MRPL1: variants seen among roughly 807,000 people sequenced by gnomAD.
MRPL1 encodes the protein mitochondrial ribosomal protein L1.
A neutral mutation model predicts 38.0 loss-of-function variants in MRPL1; 28 were observed. The observed-to-expected ratio is 0.74, with a 90% CI of 0.55 to 1.01. The LOEUF (loss-of-function observed/expected upper bound fraction) is 1.01. Ranked by LOEUF, MRPL1 falls within the 50% of genes least tolerant of loss-of-function variation. The probability of loss-of-function intolerance (pLI) is 0.00; values close to 1 mark genes in which losing one functional copy is unlikely to be tolerated. For missense variants in MRPL1, 358 were observed against 389.8 expected (o/e 0.92, Z 0.69); for synonymous variants, 123 against 126.7 (o/e 0.97, Z 0.20).
chr4:77,868,079 T>G (rs2110227343), intron 1 of MRPL1, among the ~76,000 whole-genome samples: 1 of 151,426 alleles, frequency 6.6e-6, no homozygotes, highest in African/African-American at 2.4e-5. Flanking sequence ...TTTTTTCCTT[T>G]TGAGATGGAG....
intron 6 of MRPL1, among the ~76,000 whole-genome samples, chr4:77,908,135 GAT>G (rs1287755098): frequency 6.6e-6 from 1 of 151,154 alleles, no homozygotes; most frequent in Admixed American, 6.6e-5. Flanking sequence ...CATTCACTAT[GAT>G]ATTGTTTCCA....
chr4:77,924,206 T>C, intron 7 of MRPL1, among the ~76,000 whole-genome samples: 1 of 123,676 alleles, frequency 8.1e-6, no homozygotes, highest in East Asian at 2.1e-4. Context: ...GATTTTTGCA[T>C]CTATAGTTAT....
At chr4:77,935,267 C>T (rs900812316) in intron 7 of MRPL1, among the ~76,000 whole-genome samples, 3 of 152,070 alleles carry the variant, frequency 2.0e-5, no homozygotes, top group Non-Finnish European at 2.9e-5. Context: ...ATTTTACTAT[C>T]TTTCGATTTT....
intron 7 of MRPL1, among the ~76,000 whole-genome samples, chr4:77,924,577 G>C (rs1205101047): frequency 6.6e-6 from 1 of 151,930 alleles, no homozygotes; most frequent in Non-Finnish European, 1.5e-5. Flanking sequence ...TCATTCCTTT[G>C]ATTACATTTT....
intron 2 of MRPL1, among the ~76,000 whole-genome samples, chr4:77,883,009 G>A (rs1735579854): frequency 6.6e-6 from 1 of 152,062 alleles, no homozygotes; most frequent in Admixed American, 6.5e-5. Context: ...CTACTCCTCT[G>A]TAAGTTTCTG....
At chr4:77,939,463 C>G (rs1170220846) in intron 7 of MRPL1, among the ~76,000 whole-genome samples, 2 of 152,100 alleles carry the variant, frequency 1.3e-5, no homozygotes, top group African/African-American at 4.8e-5. Flanking sequence ...GTATAGATTG[C>G]AAAGATTTTC....
intron 7 of MRPL1, among the ~76,000 whole-genome samples, chr4:77,914,126 T>C (rs1736360509): frequency 6.6e-6 from 1 of 152,162 alleles, no homozygotes; most frequent in Non-Finnish European, 1.5e-5. Flanking sequence ...TGGAATACTA[T>C]GTAGCAATAA....
At chr4:77,925,009 A>T (rs991415526) in intron 7 of MRPL1, among the ~76,000 whole-genome samples, 29 of 152,308 alleles carry the variant, frequency 1.9e-4, no homozygotes, top group Admixed American at 5.9e-4. Flanking sequence ...AAAGAACAGT[A>T]CAAAGAACAC....
intron 7 of MRPL1, among the ~76,000 whole-genome samples, chr4:77,920,963 C>T (rs1736558747): frequency 6.6e-6 from 1 of 152,124 alleles, no homozygotes; most frequent in African/African-American, 2.4e-5. Flanking sequence ...TGGGGTTTCA[C>T]CAGGTTGGCC....
intron 6 of MRPL1, among the ~76,000 whole-genome samples, chr4:77,898,162 A>G (rs1401978348): frequency 6.6e-6 from 1 of 152,136 alleles, no homozygotes; most frequent in Non-Finnish European, 1.5e-5. Flanking sequence ...ACCTTCCATG[A>G]CCATCCTATA....
At chr4:77,908,172 T>G (rs189945020) in intron 6 of MRPL1, among the ~76,000 whole-genome samples, 9 of 148,628 alleles carry the variant, frequency 6.1e-5, no homozygotes, top group African/African-American at 2.2e-4. Context: ...TGCTTTTTAG[T>G]TTTTTTTTTC....
intron 4 of MRPL1, among the ~76,000 whole-genome samples, 184 bp downstream of exon 4, chr4:77,885,523 C>T (rs190351353): frequency 3.9e-5 from 6 of 152,184 alleles, no homozygotes; most frequent in South Asian, 2.1e-4. Flanking sequence ...TGCACCACCA[C>T]GCCCAGCTAA....
At chr4:77,926,022 T>C (rs1168343632) in intron 7 of MRPL1, among the ~76,000 whole-genome samples, 1 of 152,198 alleles carries the variant, frequency 6.6e-6, no homozygotes, top group Non-Finnish European at 1.5e-5. Context: ...AAATTCCAAC[T>C]CTTAAATCAG....
At chr4:77,873,850 G>A (rs977647649) in intron 2 of MRPL1, among the ~76,000 whole-genome samples, 10 of 152,188 alleles carry the variant, frequency 6.6e-5, no homozygotes, top group African/African-American at 2.4e-4. Flanking sequence ...GATATTCATG[G>A]TAAGCATAGT....
intron 7 of MRPL1, among the ~76,000 whole-genome samples, chr4:77,940,575 A>G (rs1047046719): frequency 6.6e-6 from 1 of 152,144 alleles, no homozygotes; most frequent in African/African-American, 2.4e-5. Context: ...CTTCCAGTGC[A>G]ATGTCAAATA....
chr4:77,945,686 G>A (rs890380954), intron 7 of MRPL1, among the ~76,000 whole-genome samples: 9 of 151,990 alleles, frequency 5.9e-5, no homozygotes, highest in African/African-American at 2.2e-4. Context: ...GGTCTCTGGG[G>A]GTGATATCAC....
At chr4:77,920,832 G>C (rs1458154881) in intron 7 of MRPL1, among the ~76,000 whole-genome samples, 1 of 152,036 alleles carries the variant, frequency 6.6e-6, no homozygotes, top group African/African-American at 2.4e-5. Context: ...GCACGAACTT[G>C]ACTCACTGCA....
chr4:77,949,749 T>G, intron 7 of MRPL1, 48 bp from the exon 8 acceptor site: 1 of 1,250,438 alleles, frequency 8.0e-7, no homozygotes, highest in South Asian at 1.3e-5. Context: ...TAATTTATTA[T>G]CTTCTTGCTT....
At chr4:77,869,580 G>GTTGT (rs141857510) in intron 1 of MRPL1, among the ~76,000 whole-genome samples, 253 of 151,412 alleles carry the variant, frequency 1.7e-3, no homozygotes, top group African/African-American at 3.9e-3. Context: ...CTTGCTTTTT[G>GTTGT]TTGTTTGTTT....
Sources: allele counts gnomAD v4.1 joint callset (sites outside exome capture counted in the v4.1 genomes callset), GRCh38; gene constraint gnomAD v4.1.1; transcripts MANE v1.5; gene names NCBI Gene and HGNC (gene_info 2026-07-23, HGNC 2026-07-21).